SLC5A11: variants seen among roughly 807,000 people sequenced by gnomAD.
SLC5A11 encodes sodium/myo-inositol cotransporter 2.
A neutral mutation model predicts 69.8 loss-of-function variants in SLC5A11; 48 were observed. The observed-to-expected ratio is 0.69, with a 90% confidence interval of 0.55 to 0.87. The LOEUF (loss-of-function observed/expected upper bound fraction) is 0.87. Ranked by LOEUF, SLC5A11 falls within the 40% of genes least tolerant of loss-of-function variation. SLC5A11 has a pLI of 0.00. For missense variants in SLC5A11, 784 were observed against 866.1 expected (o/e 0.91, Z 1.19); for synonymous variants, 319 against 342.4 (o/e 0.93, Z 0.75).
intron 10 of SLC5A11, among the ~76,000 whole-genome samples, chr16:24,902,739 G>A (rs576422669): frequency 9.2e-5 from 14 of 152,136 alleles, no homozygotes; most frequent in African/African-American, 2.2e-4. Flanking sequence ...GGGTTTCTCC[G>A]TGTTGGTCAG....
intron 1 of SLC5A11, among the ~76,000 whole-genome samples, chr16:24,854,188 T>A (rs1256700176): frequency 6.6e-6 from 1 of 151,780 alleles, no homozygotes; most frequent in African/African-American, 2.4e-5. Flanking sequence ...CCGCCGCCCC[T>A]CCTCCCTCCT....
intron 7 of SLC5A11, 143 bp downstream of exon 8, chr16:24,877,506 A>G (rs1028949363): frequency 1.5e-5 from 9 of 583,068 alleles, no homozygotes; most frequent in Non-Finnish European, 2.7e-5. Context: ...ACCCTAGATA[A>G]AAAGATTTCT....
chr16:24,854,955 T>TTGTGTG (rs34966155), intron 1 of SLC5A11, among the ~76,000 whole-genome samples: 1 of 150,782 alleles, frequency 6.6e-6, no homozygotes, highest in Non-Finnish European at 1.5e-5. Flanking sequence ...TAGGTTAGCC[T>TTGTGTG]TGTGTGTGTG....
intron 10 of SLC5A11, among the ~76,000 whole-genome samples, chr16:24,905,269 CAAAAAAAAAAA>C (rs34703027): frequency 1.2e-5 from 1 of 80,428 alleles, no homozygotes; most frequent in African/African-American, 5.1e-5. Flanking sequence ...ACTAAAAATA[CAAAAAAAAAAA>C]AAAAAAAAAA....
At chr16:24,847,726 T>C (rs568607612) in intron 1 of SLC5A11, among the ~76,000 whole-genome samples, 1 of 152,320 alleles carries the variant, frequency 6.6e-6, no homozygotes, top group South Asian at 2.1e-4. Context: ...TCCTAGCCCA[T>C]TGGGCATCCT....
intron 8 of SLC5A11, among the ~76,000 whole-genome samples, chr16:24,889,598 G>A (rs1391982642): frequency 7.5e-6 from 1 of 133,726 alleles, no homozygotes; most frequent in African/African-American, 3.0e-5. Context: ...TGTCACGCAG[G>A]CTGGAATGCA....
intron 7 of SLC5A11, among the ~76,000 whole-genome samples, chr16:24,882,244 C>T (rs748321089): frequency 1.3e-5 from 2 of 152,168 alleles, no homozygotes; most frequent in Non-Finnish European, 2.9e-5. Flanking sequence ...AAATGATCCC[C>T]ACAGTGCCTG....
At chr16:24,870,180 G>A (rs1172496099) in intron 4 of SLC5A11, among the ~76,000 whole-genome samples, 175 bp downstream of exon 5, 2 of 151,896 alleles carry the variant, frequency 1.3e-5, no homozygotes, top group Admixed American at 1.3e-4. Flanking sequence ...ATCACCTAAG[G>A]TCAGGAGTTC....
At chr16:24,865,102 TA>T in intron 3 of SLC5A11, among the ~76,000 whole-genome samples, 1 of 152,178 alleles carries the variant, frequency 6.6e-6, no homozygotes, top group East Asian at 1.9e-4. Flanking sequence ...AATAGTGGTT[TA>T]AAATTGACTA....
intron 1 of SLC5A11, among the ~76,000 whole-genome samples, chr16:24,851,548 AAAAACAAAAC>A (rs1031631401): frequency 6.6e-6 from 1 of 151,836 alleles, no homozygotes; most frequent in Non-Finnish European, 1.5e-5. Context: ...TCATCTCAAA[AAAAACAAAAC>A]AAAACAAAAC....
chr16:24,891,935 G>A (rs1337336023), intron 9 of SLC5A11, among the ~76,000 whole-genome samples: 1 of 151,178 alleles, frequency 6.6e-6, no homozygotes, highest in African/African-American at 2.4e-5. Flanking sequence ...GAGTGTGGGA[G>A]TGCAATTTAA....
At chr16:24,853,658 AC>A (rs1180706571) in intron 1 of SLC5A11, among the ~76,000 whole-genome samples, 1 of 152,182 alleles carries the variant, frequency 6.6e-6, no homozygotes, top group African/African-American at 2.4e-5. Flanking sequence ...TTGGGATCCC[AC>A]CCGCGGCACT....
At chr16:24,905,656 A>G (rs1157902715) in intron 10 of SLC5A11, among the ~76,000 whole-genome samples, 1,903 of 151,110 alleles carry the variant, frequency 0.013, 40 homozygotes, top group Non-Finnish European at 0.018. Flanking sequence ...ACACACACAC[A>G]CACACACACA....
chr16:24,860,872 AT>A (rs1292182083), intron 2 of SLC5A11, among the ~76,000 whole-genome samples: 4 of 151,532 alleles, frequency 2.6e-5, no homozygotes, highest in South Asian at 2.1e-4. Flanking sequence ...TGCCCGGATA[AT>A]TTTTTTTGTA....
intron 8 of SLC5A11, among the ~76,000 whole-genome samples, 185 bp from the exon 10 acceptor site, chr16:24,890,684 A>G (rs1482019019): frequency 2.0e-5 from 3 of 152,056 alleles, no homozygotes; most frequent in African/African-American, 7.2e-5. Context: ...TTATAGTCCA[A>G]TAAAACTCTA....
chr16:24,861,569 G>C (rs1229612848), intron 2 of SLC5A11, among the ~76,000 whole-genome samples: 1 of 144,874 alleles, frequency 6.9e-6, no homozygotes, highest in Non-Finnish European at 1.5e-5. Flanking sequence ...GAAAGAAAGA[G>C]AGAGAAAGAA....
intron 8 of SLC5A11, among the ~76,000 whole-genome samples, chr16:24,886,702 G>T (rs1567646409): frequency 6.6e-6 from 1 of 152,120 alleles, no homozygotes; most frequent in Non-Finnish European, 1.5e-5. Flanking sequence ...AAATACTAAA[G>T]AATACAGACA....
intron 7 of SLC5A11, among the ~76,000 whole-genome samples, chr16:24,882,181 A>G (rs1012172130): frequency 6.6e-6 from 1 of 152,116 alleles, no homozygotes; most frequent in African/African-American, 2.4e-5. Flanking sequence ...CTGCATCCCT[A>G]CCACGTAGAA....
chr16:24,849,593 A>AATATATATATATATATATATAT (rs1555515955), intron 1 of SLC5A11, among the ~76,000 whole-genome samples: 2 of 35,890 alleles, frequency 5.6e-5, no homozygotes, highest in African/African-American at 9.2e-5. Context: ...AAAAAAAAAA[A>AATATATATATATATATATATAT]ATATATATAT....
Sources: gnomAD v4.1 joint callset for allele counts (sites outside exome capture counted in the v4.1 genomes callset) on GRCh38, gnomAD v4.1.1 for gene constraint, MANE v1.5 for transcripts, NCBI Gene and HGNC (gene_info 2026-07-23, HGNC 2026-07-21) for gene names.